Variants in ATRNL1 observed in about 807,000 individuals in gnomAD.
ATRNL1 encodes the protein attractin like 1, also known as attractin-like protein 1.
ATRNL1 carries 95 observed loss-of-function variants against 182.7 expected under a neutral mutation model. That is an observed-to-expected ratio of 0.52 (90% CI 0.44 to 0.62). ATRNL1 has a LOEUF of 0.62. Among genes scored for constraint, ATRNL1 ranks in the 20% least tolerant of loss-of-function variants. ATRNL1 has a pLI of 0.00. For synonymous variants in ATRNL1, 576 were observed against 568.3 expected (o/e 1.01, Z -0.19); for missense variants, 1,471 against 1,679.5 (o/e 0.88, Z 2.17).
At chr10:115,507,414 A>G (rs1449951961) in intron 24 of ATRNL1, among the ~76,000 whole-genome samples, 1 of 152,082 alleles carries the variant, frequency 6.6e-6, no homozygotes, top group African/African-American at 2.4e-5. Flanking sequence ...GGAATATAAT[A>G]ATCAAATGCG....
At chr10:115,575,853 T>A (rs905310842) in intron 26 of ATRNL1, among the ~76,000 whole-genome samples, 1 of 152,050 alleles carries the variant, frequency 6.6e-6, no homozygotes, top group Non-Finnish European at 1.5e-5. Context: ...TAATTAGTCA[T>A]CCTACCTAAC....
Position 115,729,419 on chromosome 10 carries a change from A to G in ATRNL1, c.3903+2064A>G, listed in dbSNP as rs541914397. Among the ~76,000 whole-genome samples the G allele has an allele frequency of 2.9e-3, 422 of 146,116 alleles. 6 individuals are homozygous for G. Among genetic ancestry groups the G allele is most frequent in the African/African-American group, 0.01 (403 of 39,258 alleles). On this transcript the variant is annotated intron_variant, in intron 27 of 28. Transcript: ENST00000355044. ...AAACTGTTAGCTTTTTTATTTTTTC[A>G]TTTACTCTGTTTTTTATTGATGTTA...
At chr10:115,758,184 T>A (rs1330844720) in intron 27 of ATRNL1, among the ~76,000 whole-genome samples, 1 of 152,098 alleles carries the variant, frequency 6.6e-6, no homozygotes, top group African/African-American at 2.4e-5. Context: ...ACTCATTCTC[T>A]GTCCCATTTT....
intron 25 of ATRNL1, among the ~76,000 whole-genome samples, chr10:115,538,576 T>A (rs782068500): frequency 2.0e-5 from 3 of 152,226 alleles, no homozygotes; most frequent in Non-Finnish European, 4.4e-5. Flanking sequence ...TATTGAATGT[T>A]TTTTGTATAT....
chr10:115,438,133 T>C (rs1846493002), intron 21 of ATRNL1, among the ~76,000 whole-genome samples: 1 of 152,016 alleles, frequency 6.6e-6, no homozygotes, highest in South Asian at 2.1e-4. Flanking sequence ...CAGAAACAAT[T>C]CAAAATTTAT....
intron 27 of ATRNL1, among the ~76,000 whole-genome samples, chr10:115,745,734 C>T (rs1948273345): frequency 6.6e-6 from 1 of 152,034 alleles, no homozygotes; most frequent in Non-Finnish European, 1.5e-5. Context: ...TACTTTTGCA[C>T]CAACCCAAAA....
At chr10:115,535,638 C>T (rs1369987737) in intron 25 of ATRNL1, among the ~76,000 whole-genome samples, 1 of 152,146 alleles carries the variant, frequency 6.6e-6, no homozygotes, top group Non-Finnish European at 1.5e-5. Flanking sequence ...CAGCTTTGTT[C>T]CGTTGCTGGT....
intron 27 of ATRNL1, among the ~76,000 whole-genome samples, chr10:115,811,543 G>T (rs1011568279): frequency 2.6e-5 from 4 of 151,934 alleles, no homozygotes; most frequent in Non-Finnish European, 5.9e-5. Context: ...TTCTTCCTCA[G>T]AGAGGAGTGT....
At chr10:115,684,934 G>A (rs536709377) in intron 26 of ATRNL1, among the ~76,000 whole-genome samples, 3 of 151,584 alleles carry the variant, frequency 2.0e-5, no homozygotes, top group Admixed American at 2.0e-4. Context: ...ACAGAATATA[G>A]TATATTCTAA....
intron 19 of ATRNL1, among the ~76,000 whole-genome samples, chr10:115,339,127 C>G (rs893399565): frequency 6.6e-6 from 1 of 152,056 alleles, no homozygotes; most frequent in Non-Finnish European, 1.5e-5. Context: ...TGCTGTAGCT[C>G]CTTAGTATAC....
intron 3 of ATRNL1, among the ~76,000 whole-genome samples, chr10:115,125,869 C>T (rs2143671542): frequency 6.6e-6 from 1 of 152,220 alleles, no homozygotes; most frequent in South Asian, 2.1e-4. Flanking sequence ...CAGCAAATGC[C>T]AATAGGGTAA....
At chr10:115,733,720 A>G (rs1947867067) in intron 27 of ATRNL1, among the ~76,000 whole-genome samples, 2 of 152,088 alleles carry the variant, frequency 1.3e-5, no homozygotes, top group South Asian at 2.1e-4. Context: ...TAAGCAGCTT[A>G]TTTAATTTTC....
At chr10:115,301,729 A>T in intron 16 of ATRNL1, 126 bp from the exon 17 acceptor site, 3 of 692,528 alleles carry the variant, frequency 4.3e-6, no homozygotes, top group Non-Finnish European at 6.5e-6. Context: ...TATCTACCTC[A>T]TCATATTATA....
At chr10:115,150,971 GTTTGGTT>G (rs1363830077) in intron 5 of ATRNL1, among the ~76,000 whole-genome samples, 1 of 152,198 alleles carries the variant, frequency 6.6e-6, no homozygotes, top group African/African-American at 2.4e-5. Context: ...AACACGCAGT[GTTTGGTT>G]TTCTGTCCTT....
intron 21 of ATRNL1, among the ~76,000 whole-genome samples, chr10:115,439,924 A>G (rs1554965406): frequency 6.6e-6 from 1 of 151,822 alleles, no homozygotes; most frequent in Non-Finnish European, 1.5e-5. Context: ...CCAAATGATG[A>G]TTTTCTATTT....
intron 27 of ATRNL1, among the ~76,000 whole-genome samples, chr10:115,742,634 C>CTAAG (rs1948170796): frequency 6.6e-6 from 1 of 152,092 alleles, no homozygotes; most frequent in South Asian, 2.1e-4. Context: ...GTTCTACAGC[C>CTAAG]TAAGTATATC....
At chr10:115,209,085 T>C (rs782425359) in intron 8 of ATRNL1, among the ~76,000 whole-genome samples, 1 of 151,846 alleles carries the variant, frequency 6.6e-6, no homozygotes, top group African/African-American at 2.4e-5. Flanking sequence ...TAGGCCATGA[T>C]GGAGTAATTT....
intron 9 of ATRNL1, among the ~76,000 whole-genome samples, chr10:115,235,292 A>G (rs1232868947): frequency 6.6e-6 from 1 of 152,194 alleles, no homozygotes; most frequent in Non-Finnish European, 1.5e-5. Flanking sequence ...AGTACAATTT[A>G]GTGGTTTTCA....
At chr10:115,662,627 G>T (rs186354334) in intron 26 of ATRNL1, among the ~76,000 whole-genome samples, 2 of 151,956 alleles carry the variant, frequency 1.3e-5, no homozygotes, top group East Asian at 3.9e-4. Context: ...ATGCTTAGTT[G>T]GCAATAACAT....
Sources: allele counts gnomAD v4.1 joint callset (sites outside exome capture counted in the v4.1 genomes callset), GRCh38; gene constraint gnomAD v4.1.1; transcripts MANE v1.5; gene names NCBI Gene and HGNC (gene_info 2026-07-23, HGNC 2026-07-21).